The following NTRK3 variants were observed in gnomAD, a reference collection of about 807,000 sequenced individuals.
NTRK3 encodes neurotrophic receptor tyrosine kinase 3.
In NTRK3, 24 loss-of-function variants were observed where a neutral mutation model predicts 91.7. The observed-to-expected ratio is 0.26, with a 90% confidence interval of 0.19 to 0.37. The LOEUF (loss-of-function observed/expected upper bound fraction) is 0.37, where lower values mean the gene tolerates loss of function less well. Among genes scored for constraint, NTRK3 ranks in the 10% least tolerant of loss-of-function variants. NTRK3 has a pLI of 1.00. For synonymous variants in NTRK3, 483 were observed against 404.0 expected, an observed-to-expected ratio of 1.20 and a Z score of -2.34; for missense variants, 880 against 1,068.9, an observed-to-expected ratio of 0.82 and a Z score of 2.46.
intron 14 of NTRK3, among the ~76,000 whole-genome samples, chr15:88,030,671 C>T (rs1410864179): frequency 6.6e-6 from 1 of 152,106 alleles, no homozygotes; most frequent in Non-Finnish European, 1.5e-5. Context: ...AGGCACTTTC[C>T]TGGTCATTTA....
rs575041717 is a variant in NTRK3, at chr15:88,010,348, T to C, written c.1585+22509A>G. Among the ~76,000 whole-genome samples, 4 of 152,328 alleles carry C rather than the reference T, an allele frequency of 2.6e-5. No individual in the cohort carries two copies. In the South Asian group the frequency reaches 8.3e-4, roughly 32 times the overall value. ...CAGGGTCCTGGCTTGGAACTTCGGG[T>C]CTTCTCTACAATTTCTCATTCTGGG... On this transcript the variant is annotated intron_variant, in intron 14 of 18. Coordinates refer to ENST00000394480, the Ensembl canonical transcript of NTRK3.
At chr15:87,909,047 T>C (rs2066933662) in intron 17 of NTRK3, among the ~76,000 whole-genome samples, 1 of 152,094 alleles carries the variant, frequency 6.6e-6, no homozygotes. Flanking sequence ...TTATTGCTCT[T>C]AGTGTGTCCC....
intron 14 of NTRK3, among the ~76,000 whole-genome samples, chr15:87,952,424 T>C (rs116555483): frequency 0.018 from 2,669 of 152,262 alleles, 84 homozygotes; most frequent in African/African-American, 0.062. Context: ...GCTGCTCTGG[T>C]TGCCCCATTG....
intron 3 of NTRK3, among the ~76,000 whole-genome samples, chr15:88,203,900 C>T (rs902474261): frequency 7.9e-5 from 12 of 152,078 alleles, no homozygotes; most frequent in African/African-American, 2.7e-4. Context: ...TTCAGGGATA[C>T]ATGTGCAGAA....
intron 14 of NTRK3, among the ~76,000 whole-genome samples, chr15:87,948,811 G>A (rs574707731): frequency 6.6e-6 from 1 of 152,366 alleles, no homozygotes; most frequent in African/African-American, 2.4e-5. Context: ...CCTGGGACCA[G>A]GTTGGCTCAG....
chr15:87,868,905 A>C, exon 19 of NTRK3: 2 of 226,272 alleles, frequency 8.8e-6, no homozygotes, highest in Non-Finnish European at 1.8e-5. Flanking sequence ...CTTGTCCTTC[A>C]GAATCCGTCT....
chr15:87,942,218 T>C (rs1432218859), intron 14 of NTRK3, among the ~76,000 whole-genome samples: 1 of 152,144 alleles, frequency 6.6e-6, no homozygotes, highest in African/African-American at 2.4e-5. Context: ...ACTATTATTT[T>C]CTCCTCCCCC....
intron 3 of NTRK3, among the ~76,000 whole-genome samples, chr15:88,214,661 G>A (rs1347470092): frequency 2.8e-4 from 37 of 133,094 alleles, no homozygotes; most frequent in African/African-American, 3.7e-4. Context: ...AAATAAAGCA[G>A]AAAAAAAAAA....
chr15:87,923,461 A>C (rs558011392), intron 17 of NTRK3, among the ~76,000 whole-genome samples: 1 of 152,306 alleles, frequency 6.6e-6, no homozygotes, highest in South Asian at 2.1e-4. Context: ...GAGCTCCATG[A>C]GCCTGAATGA....
chr15:88,211,142 C>T (rs1465906851), intron 3 of NTRK3, among the ~76,000 whole-genome samples: 2 of 152,164 alleles, frequency 1.3e-5, no homozygotes, highest in African/African-American at 4.8e-5. Flanking sequence ...TGTCATCACC[C>T]CCCAAAAAAT....
At chr15:87,922,212 G>C (rs1213516428) in intron 17 of NTRK3, among the ~76,000 whole-genome samples, 2 of 152,170 alleles carry the variant, frequency 1.3e-5, no homozygotes, top group African/African-American at 2.4e-5. Context: ...CCAACCACTT[G>C]ACTTTCATCT....
At chr15:88,226,318 G>T (rs1214050773) in intron 3 of NTRK3, among the ~76,000 whole-genome samples, 1 of 152,166 alleles carries the variant, frequency 6.6e-6, no homozygotes, top group Non-Finnish European at 1.5e-5. Flanking sequence ...CCCAGAGGTT[G>T]CAGCCACCAG....
Position 88,078,879 on chromosome 15 carries a change from G to C in NTRK3, c.1397-45834C>G, listed in dbSNP as rs140567280. On this transcript the variant is annotated intron_variant, in intron 13 of 18. Transcript: ENST00000394480. ...TGATGTGGCCAGAGTGGACGAGCAC[G>C]GGGGAAAGTGGCAGGGGCTTAGGTC... Among the ~76,000 whole-genome samples, 178 of 152,362 alleles carry C rather than the reference G, an allele frequency of 1.2e-3. 1 individual carries two copies. The East Asian group carries it at 0.029, about 25-fold the overall frequency.
intron 6 of NTRK3, among the ~76,000 whole-genome samples, chr15:88,145,707 G>A (rs911796791): frequency 6.6e-6 from 1 of 152,120 alleles, no homozygotes; most frequent in African/African-American, 2.4e-5. Flanking sequence ...GACCCCCTAT[G>A]TCCCCTGGAG....
chr15:88,141,911 C>G (rs2042420515), intron 6 of NTRK3, among the ~76,000 whole-genome samples: 1 of 152,242 alleles, frequency 6.6e-6, no homozygotes, highest in Admixed American at 6.5e-5. Flanking sequence ...TGGGATGCAC[C>G]TTGAAACCTG....
At chr15:88,050,744 G>T (rs1410103453) in intron 13 of NTRK3, among the ~76,000 whole-genome samples, 1 of 152,074 alleles carries the variant, frequency 6.6e-6, no homozygotes, top group Non-Finnish European at 1.5e-5. Context: ...AACTTGCAAT[G>T]ATCACTTCCA....
intron 13 of NTRK3, chr15:88,099,091 A>G: frequency 4.3e-6 from 1 of 230,558 alleles, no homozygotes; most frequent in Non-Finnish European, 8.6e-6. Flanking sequence ...AGAGCATTGT[A>G]GTGGGTGGTG....
chr15:88,183,125 C>T (rs756297363), intron 5 of NTRK3, among the ~76,000 whole-genome samples: 4 of 149,600 alleles, frequency 2.7e-5, no homozygotes, highest in Non-Finnish European at 4.4e-5. Context: ...CTATCATTTA[C>T]GTTCCCATAA....
At chr15:88,052,031 G>A (rs2080876025) in intron 13 of NTRK3, among the ~76,000 whole-genome samples, 1 of 152,180 alleles carries the variant, frequency 6.6e-6, no homozygotes. Flanking sequence ...ATGGACTTTA[G>A]CCTGATTCTT....
Sources: gnomAD v4.1 joint callset for allele counts (sites outside exome capture counted in the v4.1 genomes callset) on GRCh38, gnomAD v4.1.1 for gene constraint, MANE v1.5 for transcripts, NCBI Gene and HGNC (gene_info 2026-07-23, HGNC 2026-07-21) for gene names.